FGF12: variants seen among roughly 807,000 people sequenced by gnomAD.
FGF12 encodes fibroblast growth factor 12.
In FGF12, 14 loss-of-function variants were observed where a neutral mutation model predicts 23.6. That is an observed-to-expected ratio of 0.59 (90% CI 0.39 to 0.93). The LOEUF is 0.93. Among genes scored for constraint, FGF12 ranks in the 40% least tolerant of loss-of-function variants. The probability of loss-of-function intolerance (pLI) is 0.00; values close to 1 mark genes in which losing one functional copy is unlikely to be tolerated. For synonymous variants in FGF12, 62 were observed against 77.3 expected, an observed-to-expected ratio of 0.80 and a Z score of 1.04; for missense variants, 175 against 217.8, an observed-to-expected ratio of 0.80 and a Z score of 1.24.
intron 3 of FGF12, among the ~76,000 whole-genome samples, chr3:192,359,610 T>C (rs1252118165): frequency 6.6e-6 from 1 of 152,184 alleles, no homozygotes; most frequent in Non-Finnish European, 1.5e-5. Flanking sequence ...ATTTGAAAGA[T>C]ATGACAGCTA....
rs560216767 is a variant in FGF12, at chr3:192,652,420, G to A, written c.13+74761C>T. Among the ~76,000 whole-genome samples, 6 of 152,340 alleles carry A rather than the reference G, an allele frequency of 3.9e-5. No individual in the cohort carries two copies. In the East Asian group the frequency reaches 1.2e-3, roughly 29 times the overall value. On this transcript the variant is annotated intron_variant, in intron 2 of 5. Coordinates refer to ENST00000445105, the MANE Select transcript of FGF12 (RefSeq NM_004113.6). ...AGTTCTTTTGGCCTGTATGGCAGGAGAAAGACTGAGTGGGCATCGTTTTGT... is the reference window on the plus strand; with the variant it reads ...AGTTCTTTTGGCCTGTATGGCAGGAAAAAGACTGAGTGGGCATCGTTTTGT...
chr3:192,181,638 T>G (rs889436091), intron 4 of FGF12, among the ~76,000 whole-genome samples: 20 of 151,630 alleles, frequency 1.3e-4, no homozygotes, highest in Non-Finnish European at 2.7e-4. Context: ...TGTTTTTTTT[T>G]TTTTTTTTTG....
intron 4 of FGF12, among the ~76,000 whole-genome samples, chr3:192,237,873 TG>T (rs1362504846): frequency 6.6e-6 from 1 of 152,214 alleles, no homozygotes; most frequent in Admixed American, 6.5e-5. Context: ...GGGAGCAAGT[TG>T]TAGTCATTTA....
In FGF12 at chr3:192,409,663, T is replaced by C. The variant is rs961515703; in HGVS notation, c.14-49125A>G. 6.6e-6 allele frequency among the ~76,000 whole-genome samples: 1 copy of C among 152,128 alleles called. No homozygotes were observed. Among genetic ancestry groups the C allele is most frequent in the Non-Finnish European group, 1.5e-5 (1 of 68,004 alleles). On this transcript the variant is annotated intron_variant, in intron 2 of 5. Coordinates refer to ENST00000445105, the MANE Select transcript of FGF12 (RefSeq NM_004113.6). The surrounding 1 kb of genome is among the most constrained non-coding windows in gnomAD (Gnocchi z 4.8). Reference sequence around the variant, plus strand: ...GGCGGGGGCTGGCTGCAGGCGATGTTGGCTCGCGGCGGCTGAGGCTCCTGG... The same window carrying C: ...GGCGGGGGCTGGCTGCAGGCGATGTCGGCTCGCGGCGGCTGAGGCTCCTGG...
intron 2 of FGF12, among the ~76,000 whole-genome samples, chr3:192,574,142 G>A (rs1243443343): frequency 6.6e-6 from 1 of 152,158 alleles, no homozygotes; most frequent in Non-Finnish European, 1.5e-5. Flanking sequence ...TGACTTTTCT[G>A]CAATTAATAA....
chr3:192,266,917 CA>C (rs1344937530), intron 4 of FGF12: 2 of 151,986 alleles, frequency 1.3e-5, no homozygotes, highest in Admixed American at 6.6e-5. Flanking sequence ...ACTTATATCT[CA>C]AAAAGCTCTT....
At chr3:192,259,612 G>A (rs1353472402) in intron 4 of FGF12, among the ~76,000 whole-genome samples, 2 of 152,136 alleles carry the variant, frequency 1.3e-5, no homozygotes, top group South Asian at 2.1e-4. Flanking sequence ...ATGTTTGTAA[G>A]TAGAAATAGG....
chr3:192,379,490 A>G (rs1394158499), intron 2 of FGF12, among the ~76,000 whole-genome samples: 2 of 149,766 alleles, frequency 1.3e-5, no homozygotes, highest in African/African-American at 2.6e-5. Flanking sequence ...TTCAACAATA[A>G]AAGGAAAAAA....
intron 2 of FGF12, among the ~76,000 whole-genome samples, chr3:192,455,348 C>G (rs1722648674): frequency 1.3e-5 from 2 of 152,150 alleles, no homozygotes; most frequent in South Asian, 4.1e-4. Flanking sequence ...GATTGAAACT[C>G]TTGATCAGGA....
intron 2 of FGF12, among the ~76,000 whole-genome samples, chr3:192,668,880 T>C (rs981006914): frequency 6.6e-6 from 1 of 152,110 alleles, no homozygotes; most frequent in East Asian, 1.9e-4. Context: ...ATAAGACTTT[T>C]TAAAAGGAGG....
chr3:192,686,163 TCAG>T lies in FGF12; in HGVS notation c.13+41015_13+41017del, dbSNP rs60147377. Among the ~76,000 whole-genome samples, 428 of 152,286 alleles carry T rather than the reference TCAG, an allele frequency of 2.8e-3. 5 individuals are homozygous for T. Among genetic ancestry groups the T allele is most frequent in the African/African-American group, 0.01 (416 of 41,560 alleles). On this transcript the variant is annotated intron_variant, in intron 2 of 5. Coordinates refer to ENST00000445105, the MANE Select transcript of FGF12 (RefSeq NM_004113.6). ...GAAGTCAGTAGAGAGGATGAAAATA[TCAG>T]CGTCTTAGAAGTAGGTGCTGATGCA...
chr3:192,481,604 T>G (rs1003017106), intron 2 of FGF12, among the ~76,000 whole-genome samples: 6 of 152,190 alleles, frequency 3.9e-5, no homozygotes, highest in Non-Finnish European at 7.3e-5. Context: ...GTAGTGTAAG[T>G]TTGCTTCAGG....
At chr3:192,281,367 G>T (rs1437146665) in intron 4 of FGF12, among the ~76,000 whole-genome samples, 2 of 151,954 alleles carry the variant, frequency 1.3e-5, no homozygotes, top group African/African-American at 2.4e-5. Context: ...TCTTTTATAA[G>T]GACACTAGTC....
intron 2 of FGF12, among the ~76,000 whole-genome samples, chr3:192,426,109 A>G (rs914005292): frequency 6.6e-6 from 1 of 152,238 alleles, no homozygotes; most frequent in Admixed American, 6.5e-5. Context: ...CCACGGCTAT[A>G]CATAACACAC....
intron 2 of FGF12, among the ~76,000 whole-genome samples, chr3:192,462,297 A>G (rs545456789): frequency 6.6e-6 from 1 of 152,270 alleles, no homozygotes; most frequent in East Asian, 1.9e-4. Context: ...TGAGGTCTTT[A>G]AATGGTGAGT....
intron 2 of FGF12, among the ~76,000 whole-genome samples, chr3:192,421,860 C>G (rs1721538352): frequency 6.6e-6 from 1 of 151,878 alleles, no homozygotes; most frequent in Non-Finnish European, 1.5e-5. Context: ...ACGAAACTCT[C>G]TTGAAGCTGC....
chr3:192,170,793 A>G, intron 4 of FGF12, 137 bp from the exon 5 acceptor site: 1 of 728,146 alleles, frequency 1.4e-6, no homozygotes. Context: ...AGTTTCTATT[A>G]GCCTTTGGTT....
intron 4 of FGF12, among the ~76,000 whole-genome samples, chr3:192,315,648 A>G (rs949470263): frequency 6.6e-6 from 1 of 152,216 alleles, no homozygotes; most frequent in African/African-American, 2.4e-5. Context: ...AACCCAATAA[A>G]CATTCAAATA....
chr3:192,159,942 TAGTGTGTGTGTGTGTG>T (rs1334755490), intron 5 of FGF12, among the ~76,000 whole-genome samples: 2 of 99,730 alleles, frequency 2.0e-5, no homozygotes, highest in Non-Finnish European at 3.9e-5. Context: ...CATATTTAAG[TAGTGTGTGTGTGTGTG>T]TGTGTGTGTG....
Sources: allele counts gnomAD v4.1 joint callset (sites outside exome capture counted in the v4.1 genomes callset), GRCh38; gene constraint gnomAD v4.1.1; non-coding constraint Gnocchi (gnomAD v3.1); transcripts MANE v1.5; gene names NCBI Gene and HGNC (gene_info 2026-07-23, HGNC 2026-07-21).